Variants in DENND1A observed in about 807,000 individuals in gnomAD.
DENND1A encodes the protein DENN domain containing 1A, also known as DENN domain-containing protein 1A.
DENND1A carries 51 observed loss-of-function variants against 113.7 expected under a neutral mutation model. The observed-to-expected ratio is 0.45, with a 90% CI of 0.36 to 0.57. DENND1A has a LOEUF of 0.57. Among genes scored for constraint, DENND1A ranks in the 20% least tolerant of loss-of-function variants. The pLI, the probability that DENND1A is intolerant of heterozygous loss-of-function variation, is 0.00. For missense variants in DENND1A, 1,258 were observed against 1,395.9 expected (o/e 0.90, Z 1.57); for synonymous variants, 565 against 570.8 (o/e 0.99, Z 0.14).
chr9:123,788,379 A>G lies in DENND1A; in HGVS notation c.132+4208T>C, dbSNP rs540299828. Among the ~76,000 whole-genome samples the G allele has an allele frequency of 7.9e-5, 12 of 152,250 alleles. No individual in the cohort carries two copies. In the South Asian group the frequency reaches 2.5e-3, roughly 32 times the overall value. ...TCTGAAAAAATCATATAATGTTTTG[A>G]GACCAAAGATGGGATTTTGATGAGA... On this transcript the variant is annotated intron_variant, in intron 3 of 23. Coordinates refer to ENST00000394215, the MANE Select transcript of DENND1A (RefSeq NM_001352964.2).
intron 16 of DENND1A, among the ~76,000 whole-genome samples, chr9:123,452,569 G>C (rs575241492): frequency 2.0e-5 from 3 of 151,996 alleles, no homozygotes; most frequent in Non-Finnish European, 4.4e-5. Flanking sequence ...CTGGGGATGA[G>C]GAGTGTGAAT....
At chr9:123,823,678 G>T (rs1463801082) in intron 2 of DENND1A, among the ~76,000 whole-genome samples, 3 of 152,172 alleles carry the variant, frequency 2.0e-5, no homozygotes, top group Non-Finnish European at 4.4e-5. Flanking sequence ...TGAAATATAA[G>T]ATTAGCTGGG....
chr9:123,695,739 TCATAC>T (rs1564965005), intron 5 of DENND1A, among the ~76,000 whole-genome samples: 1 of 152,184 alleles, frequency 6.6e-6, no homozygotes, highest in East Asian at 1.9e-4. Flanking sequence ...CAACTCTCTC[TCATAC>T]TAGTGTGGGC....
At chr9:123,589,680 T>G (rs991480991) in intron 11 of DENND1A, among the ~76,000 whole-genome samples, 2 of 138,108 alleles carry the variant, frequency 1.4e-5, no homozygotes, top group Non-Finnish European at 3.1e-5. Context: ...AAAACTGACA[T>G]GCACACTGGC....
At chr9:123,416,395 TTGACCGC>T (rs1189587739) in intron 19 of DENND1A, among the ~76,000 whole-genome samples, 1 of 152,230 alleles carries the variant, frequency 6.6e-6, no homozygotes, top group Non-Finnish European at 1.5e-5. Flanking sequence ...GGAAGGCCTC[TTGACCGC>T]TGACCGCTTG....
intron 18 of DENND1A, among the ~76,000 whole-genome samples, chr9:123,449,858 G>A (rs2047579727): frequency 6.6e-6 from 1 of 152,050 alleles, no homozygotes; most frequent in African/African-American, 2.4e-5. Flanking sequence ...CTGGGAAGGG[G>A]GTGAGGGATA....
chr9:123,505,849 G>A (rs1213287499), intron 13 of DENND1A, among the ~76,000 whole-genome samples: 2 of 152,110 alleles, frequency 1.3e-5, no homozygotes, highest in Admixed American at 1.3e-4. Context: ...CGAGGCTCTC[G>A]GATGGCCTTG....
intron 1 of DENND1A, among the ~76,000 whole-genome samples, chr9:123,912,250 T>C (rs371552371): frequency 6.6e-6 from 1 of 152,052 alleles, no homozygotes; most frequent in African/African-American, 2.4e-5. Flanking sequence ...ACATTACATA[T>C]AAGACAAACA....
At chr9:123,613,890 T>C (rs919783584) in intron 10 of DENND1A, among the ~76,000 whole-genome samples, 9 of 152,210 alleles carry the variant, frequency 5.9e-5, no homozygotes, top group Non-Finnish European at 1.2e-4. Context: ...TCTGATTTCA[T>C]CAGTTACAAA....
At chr9:123,505,931 C>T (rs1476017738) in intron 13 of DENND1A, among the ~76,000 whole-genome samples, 1 of 152,080 alleles carries the variant, frequency 6.6e-6, no homozygotes, top group Non-Finnish European at 1.5e-5. Context: ...TCAAGAGGAG[C>T]AGGCTAGCAA....
At chr9:123,465,614 G>A (rs1185710964) in intron 13 of DENND1A, among the ~76,000 whole-genome samples, 1 of 152,196 alleles carries the variant, frequency 6.6e-6, no homozygotes, top group South Asian at 2.1e-4. Context: ...TGTTTCCCCT[G>A]AGGGTGGAGA....
At chr9:123,746,062 G>T (rs1217891998) in intron 5 of DENND1A, among the ~76,000 whole-genome samples, 1 of 152,194 alleles carries the variant, frequency 6.6e-6, no homozygotes, top group East Asian at 1.9e-4. Context: ...AGTAATTTCT[G>T]AACTTCAATG....
intron 13 of DENND1A, among the ~76,000 whole-genome samples, chr9:123,500,444 C>G (rs1484759857): frequency 6.6e-6 from 1 of 152,206 alleles, no homozygotes; most frequent in East Asian, 1.9e-4. Context: ...CTTCAATATT[C>G]AGTCCAAGAA....
At chr9:123,414,690 T>A in intron 19 of DENND1A, 3 of 1,436,836 alleles carry the variant, frequency 2.1e-6, no homozygotes, top group Non-Finnish European at 2.9e-6. Flanking sequence ...TTTCCCAAGT[T>A]TATTTGAACA....
At chr9:123,509,651 C>G (rs992545236) in intron 13 of DENND1A, among the ~76,000 whole-genome samples, 1 of 152,194 alleles carries the variant, frequency 6.6e-6, no homozygotes, top group East Asian at 1.9e-4. Flanking sequence ...ATAGAAGAGC[C>G]TGAACATGAG....
At chr9:123,807,172 T>C (rs1028679265) in intron 2 of DENND1A, among the ~76,000 whole-genome samples, 3 of 152,232 alleles carry the variant, frequency 2.0e-5, no homozygotes, top group African/African-American at 7.2e-5. Flanking sequence ...CATCAAAATA[T>C]CTAGCCATGA....
intron 2 of DENND1A, among the ~76,000 whole-genome samples, chr9:123,842,783 T>G (rs887471959): frequency 6.6e-6 from 1 of 152,188 alleles, no homozygotes; most frequent in African/African-American, 2.4e-5. Flanking sequence ...AGGCCAGTAT[T>G]ATGCTGATAC....
chr9:123,469,178 C>A (rs567031785), intron 13 of DENND1A, among the ~76,000 whole-genome samples: 2 of 152,350 alleles, frequency 1.3e-5, no homozygotes, highest in South Asian at 4.1e-4. Flanking sequence ...CTTTCTGAAC[C>A]ATTTGCACGG....
At chr9:123,649,984 G>A (rs771652405) in intron 9 of DENND1A, among the ~76,000 whole-genome samples, 3 of 152,074 alleles carry the variant, frequency 2.0e-5, no homozygotes, top group Non-Finnish European at 4.4e-5. Context: ...ACACAGTAAG[G>A]GATCAAAAAC....
Sources: allele counts gnomAD v4.1 joint callset (sites outside exome capture counted in the v4.1 genomes callset), GRCh38; gene constraint gnomAD v4.1.1; transcripts MANE v1.5; gene names NCBI Gene and HGNC (gene_info 2026-07-23, HGNC 2026-07-21).